The following MAPK8IP2 variants were observed in gnomAD, a reference collection of about 807,000 sequenced individuals.
MAPK8IP2 encodes mitogen-activated protein kinase 8 interacting protein 2, also known as C-Jun-amino-terminal kinase-interacting protein 2.
MAPK8IP2 carries 15 observed loss-of-function variants against 75.6 expected under a neutral mutation model. That is an observed-to-expected ratio of 0.20 (90% CI 0.13 to 0.31). The LOEUF (loss-of-function observed/expected upper bound fraction) is 0.31, where lower values mean the gene tolerates loss of function less well. Among genes scored for constraint, MAPK8IP2 ranks in the 10% least tolerant of loss-of-function variants. The pLI is 1.00. For missense variants in MAPK8IP2, 1,089 were observed against 1,211.2 expected, an observed-to-expected ratio of 0.90 and a Z score of 1.50; for synonymous variants, 632 against 554.5, an observed-to-expected ratio of 1.14 and a Z score of -1.96.
rs1355796297 is a variant in MAPK8IP2 at position 50,606,980 on chromosome 22, C to A, written c.2292C>A (p.Pro764=). ...ACATCTCCTTCTGCGGCTGCCATCC[C>A]CGCAACAGCTGGTGAGAGTCTGACC... ...MKNISFCGCH[P]RNSCYFGFIT... The change falls in exon 10 of 12, where the codon CCC becomes CCA. Residue 764 remains proline, a synonymous_variant. Coordinates refer to ENST00000329492, the MANE Select transcript of MAPK8IP2 (RefSeq NM_012324.6). 2 of 1,613,738 alleles carry A rather than the reference C, an allele frequency of 1.2e-6. No individual in the cohort carries two copies.
Position 50,607,035 on chromosome 22 carries a change from AC to A in MAPK8IP2, c.2303+47del. The A allele has an allele frequency of 6.5e-7, 1 of 1,536,416 alleles. No homozygotes were observed. The highest frequency in any genetic ancestry group is 9.0e-7 in the Non-Finnish European group (1 of 1,109,902). On this transcript the variant is annotated intron_variant, in intron 10 of 11. Coordinates refer to ENST00000329492, the MANE Select transcript of MAPK8IP2 (RefSeq NM_012324.6). This position sits in a 1 kb window ranked among gnomAD's most constrained non-coding sequence, Gnocchi z 5.6. ...CCGAGTCCCCCAACCGCCCCCACAA[AC>A]CCTGAGAGTCCAACCGCCCCCTGAG...
At position 50,603,480 on chromosome 22, in the gene MAPK8IP2, G is replaced by A. The variant is rs751144417; in HGVS notation, c.429G>A (p.Leu143=). The A allele has an allele frequency of 1.9e-5, 30 of 1,563,088 alleles. No individual in the cohort carries two copies. The highest frequency in any genetic ancestry group is 1.6e-4 in the South Asian group (13 of 82,770). The change falls in exon 3 of 12, where the codon CTG becomes CTA. Residue 143 remains leucine, a synonymous_variant. Coordinates refer to ENST00000329492, the MANE Select transcript of MAPK8IP2 (RefSeq NM_012324.6). Reference sequence around the variant, plus strand: ...AGCACCGGCCCACCACCCTCCGTCTGACCACACTGGGGGCCCAGGTGAGTG... The same window carrying A: ...AGCACCGGCCCACCACCCTCCGTCTAACCACACTGGGGGCCCAGGTGAGTG... ...PHKHRPTTLR[L]TTLGAQDSLN... is the part of the protein sequence containing the mutation.
Position 50,603,464 on chromosome 22 carries a change from C to T in MAPK8IP2, c.413C>T (p.Pro138Leu). ...GTGGAGGAGCCCCACAAGCACCGGC[C>T]CACCACCCTCCGTCTGACCACACTG... ...PSVEEPHKHR[P>L]TTLRLTTLGA... Residue 138 changes from proline to leucine, a missense_variant, in exon 3 of 12, where the codon CCC (proline) becomes CTC (leucine). By Grantham distance (98) the Pro-to-Leu change is moderately conservative (BLOSUM62 -3). Transcript: ENST00000329492. The T allele has an allele frequency of 6.4e-7, 1 of 1,566,384 alleles. No individual in the cohort carries two copies. Among genetic ancestry groups the T allele is most frequent in the Non-Finnish European group, 8.7e-7 (1 of 1,153,408 alleles).
At chr22:50,605,772 G>T (rs1275312790) in intron 7 of MAPK8IP2, 38 bp downstream of exon 7, 1 of 1,601,134 alleles carries the variant, frequency 6.2e-7, no homozygotes, top group East Asian at 2.2e-5. Flanking sequence ...TTTCACCCCA[G>T]ATCCTCCCCT....
rs766592953 is a variant in MAPK8IP2, at chr22:50,605,406, G to T, written c.1804G>T (p.Gly602Cys). ...SFGLFSCLVN[G>C]EEREQTHRAV... ...TGGCCTTTTCTCCTGTCTGGTCAAC[G>T]GCGAGGAGCGAGAGCAGACTCACCG... Residue 602 changes from glycine (G) to cysteine (C), a missense_variant, in exon 6 of 12, where the codon GGC becomes TGC. Physicochemically the swap from Gly to Cys is radical, Grantham distance 159. Around this residue, in one of 2 missense-constraint regions of MAPK8IP2, gnomAD observed 960 missense variants for 1,009.6 expected, o/e 0.95. Coordinates refer to ENST00000329492, the MANE Select transcript of MAPK8IP2 (RefSeq NM_012324.6). The T allele has an allele frequency of 1.9e-6, 3 of 1,613,660 alleles. No individual in the cohort carries two copies. The East Asian group carries it at 6.7e-5, about 36-fold the overall frequency.
At chr22:50,601,983 G>A in intron 2 of MAPK8IP2, 89 bp downstream of exon 2, 1 of 1,095,720 alleles carries the variant, frequency 9.1e-7, no homozygotes. Flanking sequence ...TAGGGTGGGT[G>A]TGAGCTCAGC....
rs1413149713 is a variant in MAPK8IP2, at chr22:50,610,194, A to G, written c.2304-18A>G. 1.9e-6 allele frequency: 3 copies of G among 1,588,070 alleles called. No individual in the cohort carries two copies. Among genetic ancestry groups the G allele is most frequent in the South Asian group, 1.1e-5 (1 of 87,546 alleles). ...GGGCCAGGGCTCTGACGTGCCCTCC[A>G]CACTGACTTGCCCGCAGCTATTTCG... On this transcript the variant is annotated intron_variant, in intron 10 of 11. Transcript: ENST00000329492. The surrounding 1 kb of genome is among the most constrained non-coding windows in gnomAD (Gnocchi z 4.3).
rs746843388 is a variant in MAPK8IP2, at chr22:50,604,108, C to G, written c.809C>G (p.Ser270Cys). Residue 270 changes from serine (S) to cysteine (C), a missense_variant, in exon 5 of 12, where the codon TCC becomes TGC. By Grantham distance (112) the Ser-to-Cys change is moderately radical. Transcript: ENST00000329492. Reference sequence around the variant, plus strand: ...GCGCGCCTGGGGCGCATGATCTCGTCCATCTCGGAGACGGAGCTGGAGCTG... The same window carrying G: ...GCGCGCCTGGGGCGCATGATCTCGTGCATCTCGGAGACGGAGCTGGAGCTG... ...GGARLGRMIS[S>C]ISETELELSS... 6 of 1,552,530 alleles carry G rather than the reference C, an allele frequency of 3.9e-6. No homozygotes were observed. The highest frequency in any genetic ancestry group is 1.2e-5 in the South Asian group (1 of 85,188).
chr22:50,600,890 C>T lies in MAPK8IP2; in HGVS notation c.65+7C>T. 8.0e-7 allele frequency: 1 copy of T among 1,249,364 alleles called. No homozygotes were observed. The highest frequency in any genetic ancestry group is 1.5e-5 in the South Asian group (1 of 65,622). The allele number at this position is 1,249,364 out of a possible 1,614,324, so 77.4% of individuals were successfully genotyped here. ...TGTCGCCGCCGGGCTGCAGGTACCCCCCTCGGCGCCCGGGCCGGGCGGACC... is the reference window on the plus strand; with the variant it reads ...TGTCGCCGCCGGGCTGCAGGTACCCTCCTCGGCGCCCGGGCCGGGCGGACC... On this transcript the variant is annotated splice_region_variant and intron_variant, in intron 1 of 11. Coordinates refer to ENST00000329492, the MANE Select transcript of MAPK8IP2 (RefSeq NM_012324.6).
At chr22:50,609,193 G>A (rs551489175) in intron 10 of MAPK8IP2, among the ~76,000 whole-genome samples, 11 of 152,288 alleles carry the variant, frequency 7.2e-5, no homozygotes, top group African/African-American at 2.2e-4. Flanking sequence ...TCAGGAGAGC[G>A]TGGGGTGTGC....
Position 50,604,378 on chromosome 22 carries a change from C to T in MAPK8IP2, c.1079C>T (p.Ser360Phe). The T allele has an allele frequency of 6.5e-7, 1 of 1,530,118 alleles. No individual in the cohort carries two copies. Among genetic ancestry groups the T allele is most frequent in the South Asian group, 1.2e-5 (1 of 83,570 alleles). 94.8% of individuals were successfully genotyped at this position (1,530,118 alleles called of 1,614,324 possible). ...LLSNLVSRMI[S>F]EGSSPIRCPG... ...AGCAACCTGGTGAGCCGCATGATCT[C>T]CGAGGGCTCCTCGCCCATCCGCTGC... Residue 360 changes from serine to phenylalanine, a missense_variant, in exon 5 of 12, where the codon TCC becomes TTC. By Grantham distance (155) the Ser-to-Phe change is radical. This residue lies in a region of MAPK8IP2 where 960 missense variants were observed against 1,009.6 expected (regional missense o/e 0.95). Coordinates refer to ENST00000329492, the MANE Select transcript of MAPK8IP2 (RefSeq NM_012324.6).
At chr22:50,606,369 C>CTGCATCTGAG (rs3070186) in intron 8 of MAPK8IP2, among the ~76,000 whole-genome samples, 8,367 of 151,942 alleles carry the variant, frequency 0.055, 403 homozygotes, top group East Asian at 0.25. Flanking sequence ...CAGAGCAGCC[C>CTGCATCTGAG]AGGGCGGGTG....
At position 50,605,751 on chromosome 22, in the gene MAPK8IP2, G is replaced by A. The variant is rs765392957; in HGVS notation, c.2014+17G>A. 1.5e-5 allele frequency: 24 copies of A among 1,604,600 alleles called. No individual in the cohort carries two copies. Among genetic ancestry groups the A allele is most frequent in the Non-Finnish European group, 1.9e-5 (22 of 1,176,024 alleles). On this transcript the variant is annotated intron_variant, in intron 7 of 11. Transcript: ENST00000329492. ...ACCTGCTGGGTGAGGTCCCAACCCC[G>A]AGGGGAGGCTTTTCACCCCAGATCC...
rs1603444223 is a variant in MAPK8IP2 at position 50,601,717 on chromosome 22, C to T, written c.66-72C>T. ...GTGTAGGAGCTGACGCCTCCCTCTG[C>T]CCCTCCTCAGGGCCAGTTGCCAGGC... On this transcript the variant is annotated intron_variant, in intron 1 of 11. Coordinates refer to ENST00000329492, the MANE Select transcript of MAPK8IP2 (RefSeq NM_012324.6). 6 of 1,154,396 alleles carry T rather than the reference C, an allele frequency of 5.2e-6. No homozygotes were observed. The East Asian group carries it at 1.4e-4, about 27-fold the overall frequency. 71.5% of individuals were successfully genotyped at this position (1,154,396 alleles called of 1,614,324 possible).
At chr22:50,609,910 T>C (rs1160439514) in intron 10 of MAPK8IP2, 2 of 588,936 alleles carry the variant, frequency 3.4e-6, no homozygotes, top group Admixed American at 3.9e-5. Flanking sequence ...TCTGTGGTCC[T>C]GGGGCAGGCC....
At chr22:50,606,243 C>G (rs2071046757) in intron 8 of MAPK8IP2, among the ~76,000 whole-genome samples, 1 of 152,240 alleles carries the variant, frequency 6.6e-6, no homozygotes, top group South Asian at 2.1e-4. Context: ...AAGACCAGCC[C>G]TCACAGCCCC....
chr22:50,601,456 G>A, intron 1 of MAPK8IP2: 1 of 256,868 alleles, frequency 3.9e-6, no homozygotes, highest in Non-Finnish European at 7.8e-6. Flanking sequence ...CTGCCGCGTT[G>A]CAGCTCCCCC....
rs56314791 is a variant in MAPK8IP2 at position 50,604,055 on chromosome 22, C to G, written c.756C>G (p.Pro252=). The part of the protein sequence containing the change: ...GRRSSQELSS[P]GSDSEDAGGA... ...GCAGCAGCCAGGAGCTGTCCTCGCC[C>G]GGCTCCGACTCGGAGGACGCGGGCG... Residue 252 remains proline, a synonymous_variant, in exon 5 of 12, where the codon CCC becomes CCG. Coordinates refer to ENST00000329492, the MANE Select transcript of MAPK8IP2 (RefSeq NM_012324.6). 3 of 1,542,614 alleles carry G rather than the reference C, an allele frequency of 1.9e-6. No individual in the cohort carries two copies. Among genetic ancestry groups the G allele is most frequent in the Middle Eastern group, 1.7e-4 (1 of 5,758 alleles).
chr22:50,606,074 G>T (rs1412499319), intron 8 of MAPK8IP2, 140 bp downstream of exon 8: 3 of 732,690 alleles, frequency 4.1e-6, no homozygotes, highest in Non-Finnish European at 6.7e-6. Flanking sequence ...GCTGCAGGGG[G>T]AGCTCGGGGT....
Sources: gnomAD v4.1 joint callset for allele counts (sites outside exome capture counted in the v4.1 genomes callset) on GRCh38, gnomAD v4.1.1 for gene constraint, gnomAD v4.1.1 regional missense constraint, Gnocchi (gnomAD v3.1) non-coding constraint, MANE v1.5 for transcripts, NCBI Gene and HGNC (gene_info 2026-07-23, HGNC 2026-07-21) for gene names.